The following NKIRAS1 variants were observed in gnomAD, a reference collection of about 807,000 sequenced individuals.
NKIRAS1 encodes the protein NF-kappa-B inhibitor-interacting Ras-like protein 1.
NKIRAS1 carries 16 observed loss-of-function variants against 19.8 expected under a neutral mutation model. The observed-to-expected ratio is 0.81, with a 90% CI of 0.55 to 1.23. The LOEUF (loss-of-function observed/expected upper bound fraction) is 1.23. Ranked by LOEUF, NKIRAS1 falls within the 50% of genes most tolerant of loss-of-function variation. NKIRAS1 has a pLI of 0.00. For missense variants in NKIRAS1, 184 were observed against 220.0 expected (o/e 0.84, Z 1.04); for synonymous variants, 88 against 79.0 (o/e 1.11, Z -0.61).
chr3:23,919,136 T>C, upstream of NKIRAS1: 1 of 1,163,170 alleles, frequency 8.6e-7, no homozygotes, highest in Non-Finnish European at 1.3e-6. Flanking sequence ...TAAAATTCTT[T>C]CTGACTTGCT....
upstream of NKIRAS1, chr3:23,920,157 G>A: frequency 1.0e-6 from 1 of 985,812 alleles, no homozygotes; most frequent in Non-Finnish European, 1.2e-6. Context: ...AAGCTGGTGA[G>A]CCAGTGGCCA....
intron 1 of NKIRAS1, chr3:23,946,153 GGAGGCCGCGCGTGCGCGCCCGCT>G (rs1201264122): frequency 2.6e-5 from 26 of 985,258 alleles, no homozygotes; most frequent in Non-Finnish European, 3.0e-5. Context: ...ACACTGCGGA[GGAGGCCGCGCGTGCGCGCCCGCT>G]GAGCCCCCGC....
chr3:23,939,921 T>C (rs1361422649), intron 1 of NKIRAS1, among the ~76,000 whole-genome samples: 1 of 152,178 alleles, frequency 6.6e-6, no homozygotes, highest in Non-Finnish European at 1.5e-5. Context: ...AGAAAGCCTC[T>C]AAATCTGTAA....
Position 23,893,004 on chromosome 3 carries a change from A to G in NKIRAS1, c.*91T>C. On this transcript the variant is annotated 3_prime_UTR_variant, in exon 5 of 5. Transcript: ENST00000425478. ...TCCTAAGGACCAAAGGTAGATACAA[A>G]TGGCCTATTTTAAATAGTAATATTA... is the stretch of plus-strand genomic sequence containing the variant. 7.5e-7 allele frequency: 1 copy of G among 1,331,028 alleles called. No individual in the cohort carries two copies. The highest frequency in any genetic ancestry group is 1.0e-6 in the Non-Finnish European group (1 of 999,172). The allele number at this position is 1,331,028 out of a possible 1,614,324, so 82.5% of individuals were successfully genotyped here. A position where few individuals can be genotyped will look rare whatever the true frequency, so the allele number is the denominator to read the frequency against.
At chr3:23,918,350 A>G (rs1704811747), upstream of NKIRAS1, 2 of 1,423,522 alleles carry the variant, frequency 1.4e-6, no homozygotes, top group Non-Finnish European at 1.9e-6. Context: ...CTGTTGAAGT[A>G]TTTTTGGTGG....
chr3:23,921,805 C>T, upstream of NKIRAS1: 1 of 566,188 alleles, frequency 1.8e-6, no homozygotes, highest in South Asian at 2.2e-5. Context: ...GAACTCCTGA[C>T]CTCAAGTGAT....
upstream of NKIRAS1, chr3:23,919,192 C>A: frequency 1.2e-6 from 2 of 1,610,416 alleles, no homozygotes; most frequent in Non-Finnish European, 1.7e-6. Flanking sequence ...TTTTCCTATT[C>A]TAGGAGCGAG....
chr3:23,890,207 G>A lies in NKIRAS1; in HGVS notation c.*2888C>T, dbSNP rs570593152. Among the ~76,000 whole-genome samples the A allele has an allele frequency of 6.6e-6, 1 of 152,200 alleles. No individual in the cohort carries two copies. The highest frequency in any genetic ancestry group is 1.9e-4 in the East Asian group (1 of 5,182). On this transcript the variant is annotated 3_prime_UTR_variant, in exon 5 of 5. Coordinates refer to ENST00000425478, the MANE Select transcript of NKIRAS1 (RefSeq NM_020345.4). ...AGCCTTGACCGTTCCAGTCTCTACT[G>A]AACTCAGCCTAACACATAAGAGTAA...
At chr3:23,942,123 T>C in intron 1 of NKIRAS1, among the ~76,000 whole-genome samples, 1 of 151,614 alleles carries the variant, frequency 6.6e-6, no homozygotes, top group East Asian at 2.0e-4. Flanking sequence ...GGATTACAGG[T>C]GTGTGCTACC....
At chr3:23,921,287 C>A (rs1360327460), upstream of NKIRAS1, among the ~76,000 whole-genome samples, 1 of 152,198 alleles carries the variant, frequency 6.6e-6, no homozygotes, top group African/African-American at 2.4e-5. Flanking sequence ...TTAAATTGAT[C>A]ATGGCACTCC....
chr3:23,930,277 A>C (rs1015833393), intron 1 of NKIRAS1, among the ~76,000 whole-genome samples: 1 of 152,116 alleles, frequency 6.6e-6, no homozygotes, highest in African/African-American at 2.4e-5. Flanking sequence ...TAAAGGGATA[A>C]AGATGTAGTG....
At chr3:23,918,683 A>C, upstream of NKIRAS1, 2 of 1,337,140 alleles carry the variant, frequency 1.5e-6, no homozygotes, top group South Asian at 2.8e-5. Flanking sequence ...CTCGTATATA[A>C]AACAGGGTTT....
At chr3:23,907,176 G>A (rs1033757054) in intron 3 of NKIRAS1, among the ~76,000 whole-genome samples, 1 of 152,216 alleles carries the variant, frequency 6.6e-6, no homozygotes, top group African/African-American at 2.4e-5. Flanking sequence ...TTACAGGCGT[G>A]AGCCACCACA....
intron 3 of NKIRAS1, among the ~76,000 whole-genome samples, chr3:23,909,741 G>T (rs758695238): frequency 6.6e-6 from 1 of 151,892 alleles, no homozygotes; most frequent in Non-Finnish European, 1.5e-5. Flanking sequence ...TTGACTCAGC[G>T]AATGAATAAA....
upstream of NKIRAS1, chr3:23,921,120 G>A (rs1705053795): frequency 6.5e-6 from 1 of 154,696 alleles, no homozygotes; most frequent in East Asian, 1.9e-4. Flanking sequence ...GGGCAGCATA[G>A]TGAGACCTAA....
intron 3 of NKIRAS1, among the ~76,000 whole-genome samples, chr3:23,907,253 A>C (rs937512428): frequency 6.6e-6 from 1 of 152,210 alleles, no homozygotes; most frequent in African/African-American, 2.4e-5. Flanking sequence ...GTAAGAGTAC[A>C]GTATATAATA....
At chr3:23,920,054 G>T (rs1166798929), upstream of NKIRAS1, 12 of 986,016 alleles carry the variant, frequency 1.2e-5, no homozygotes, top group Non-Finnish European at 1.4e-5. Context: ...AGTGATTAGT[G>T]GTAATGGTAA....
At position 23,926,912 on chromosome 3, in the gene NKIRAS1, C is replaced by G. The variant is rs1705223297; in HGVS notation, c.-139-15462G>C. 6.6e-6 allele frequency among the ~76,000 whole-genome samples: 1 copy of G among 152,106 alleles called. No homozygotes were observed. Among genetic ancestry groups the G allele is most frequent in the Admixed American group, 6.5e-5 (1 of 15,270 alleles). On this transcript the variant is annotated intron_variant, in intron 1 of 4. Transcript: ENST00000421515. This position sits in a 1 kb window ranked among gnomAD's most constrained non-coding sequence, Gnocchi z 4.3. ...TTTGTCCTAGAAGGATCAAGCTGGC[C>G]TGAAATACCAATAGGGGGTGACATG...
At chr3:23,933,848 T>C (rs1448659222) in intron 1 of NKIRAS1, among the ~76,000 whole-genome samples, 1 of 152,078 alleles carries the variant, frequency 6.6e-6, no homozygotes, top group Non-Finnish European at 1.5e-5. Context: ...CACCAGTAAG[T>C]TGGGTGTCTG....
Sources: allele counts gnomAD v4.1 joint callset (sites outside exome capture counted in the v4.1 genomes callset), GRCh38; gene constraint gnomAD v4.1.1; non-coding constraint Gnocchi (gnomAD v3.1); transcripts MANE v1.5; gene names NCBI Gene and HGNC (gene_info 2026-07-23, HGNC 2026-07-21).